The following PDSS2 variants were observed in gnomAD, a reference collection of about 807,000 sequenced individuals.
PDSS2 encodes decaprenyl diphosphate synthase subunit 2, also known as all trans-polyprenyl-diphosphate synthase PDSS2.
Under a neutral mutation model 44.5 loss-of-function variants are expected in PDSS2, and 31 were observed. That is an observed-to-expected ratio of 0.70 (90% CI 0.52 to 0.94). PDSS2 has a LOEUF of 0.94. Among genes scored for constraint, PDSS2 ranks in the 40% least tolerant of loss-of-function variants. PDSS2 has a pLI of 0.00. For synonymous variants in PDSS2, 157 were observed against 180.3 expected, an observed-to-expected ratio of 0.87 and a Z score of 1.03; for missense variants, 452 against 482.2, an observed-to-expected ratio of 0.94 and a Z score of 0.59.
chr6:107,285,731 G>A (rs1776119067), intron 2 of PDSS2, among the ~76,000 whole-genome samples: 2 of 152,202 alleles, frequency 1.3e-5, no homozygotes, highest in Admixed American at 1.3e-4. Flanking sequence ...TATTTAAATG[G>A]ATTAACCATC....
Position 107,363,198 on chromosome 6 carries a change from C to G in PDSS2, c.297-28866G>C, listed in dbSNP as rs1280734044. 2.0e-5 allele frequency among the ~76,000 whole-genome samples: 3 copies of G among 152,276 alleles called. No homozygotes were observed. In the East Asian group the frequency reaches 5.8e-4, roughly 29 times the overall value. ...ACAAAGCCATTCAACTAACTCAATA[C>G]AGGACAAATACAGAGATATACACAT... On this transcript the variant is annotated intron_variant, in intron 1 of 7. Transcript: ENST00000369037.
chr6:107,322,786 G>A (rs1160249654), intron 2 of PDSS2, among the ~76,000 whole-genome samples: 1 of 152,148 alleles, frequency 6.6e-6, no homozygotes, highest in Non-Finnish European at 1.5e-5. Context: ...TCGTTCCACT[G>A]CACTCCAGCC....
At position 107,212,296 on chromosome 6, in the gene PDSS2, A is replaced by G. The variant is rs375616542; in HGVS notation, c.703-14T>C. On this transcript the variant is annotated splice_polypyrimidine_tract_variant and intron_variant, in intron 4 of 7. Coordinates refer to ENST00000369037, the MANE Select transcript of PDSS2 (RefSeq NM_020381.4). Reference sequence around the variant, plus strand: ...GATATAACTTTCCTAAAAATGTAACAAAAGCCAAGATAAAAAAGACTTTAG... The same window carrying G: ...GATATAACTTTCCTAAAAATGTAACGAAAGCCAAGATAAAAAAGACTTTAG... 423 of 1,600,864 alleles carry G rather than the reference A, an allele frequency of 2.6e-4. No individual in the cohort carries two copies. Among genetic ancestry groups the G allele is most frequent in the Non-Finnish European group, 3.4e-4 (399 of 1,170,670 alleles).
At chr6:107,394,434 G>A (rs1259980338) in intron 1 of PDSS2, among the ~76,000 whole-genome samples, 1 of 152,108 alleles carries the variant, frequency 6.6e-6, no homozygotes, top group Non-Finnish European at 1.5e-5. Flanking sequence ...GCAAAAGCAG[G>A]AGCAGGGGAG....
rs1197813349 is a variant in PDSS2, at chr6:107,230,859, A to G, written c.702+14689T>C. Among the ~76,000 whole-genome samples, 14 of 151,984 alleles carry G rather than the reference A, an allele frequency of 9.2e-5. No individual in the cohort carries two copies. In the East Asian group the frequency reaches 2.5e-3, roughly 27 times the overall value. ...TACTGCTGCGAAAAAAATGACCCCA[A>G]ATTTAGTGGTTTAAAGCAAGAGTAA... On this transcript the variant is annotated intron_variant, in intron 4 of 7. Coordinates refer to ENST00000369037, the MANE Select transcript of PDSS2 (RefSeq NM_020381.4).
chr6:107,399,767 T>C (rs1477759111), intron 1 of PDSS2, among the ~76,000 whole-genome samples: 1 of 152,202 alleles, frequency 6.6e-6, no homozygotes, highest in Non-Finnish European at 1.5e-5. Context: ...TTAACAATAC[T>C]ATAATGATTC....
At chr6:107,389,852 T>C (rs941539780) in intron 1 of PDSS2, among the ~76,000 whole-genome samples, 1 of 151,996 alleles carries the variant, frequency 6.6e-6, no homozygotes, top group African/African-American at 2.4e-5. Context: ...CATAGCTCCT[T>C]GGAGAAATGG....
In PDSS2 at chr6:107,274,123, T is replaced by G. The variant is rs863224165; in HGVS notation, c.536A>C (p.Lys179Thr). 1 of 1,613,610 alleles carries G rather than the reference T, an allele frequency of 6.2e-7. No homozygotes were observed. The highest frequency in any genetic ancestry group is 1.3e-5 in the African/African-American group (1 of 74,916). ...NELQSSDGPL[K>T]DMQFGNKIAI... Reference sequence around the variant, plus strand: ...AATTTTATTTCCAAATTGCATGTCTTTCAGTGGACCATCAGATGATTGCAA... The same window carrying G: ...AATTTTATTTCCAAATTGCATGTCTGTCAGTGGACCATCAGATGATTGCAA... The change falls in exon 3 of 8, where the codon AAA (lysine) becomes ACA (threonine). Residue 179 changes from lysine (K) to threonine (T), a missense_variant. Physicochemically the swap from Lys to Thr is moderately conservative, Grantham distance 78. Coordinates refer to ENST00000369037, the MANE Select transcript of PDSS2 (RefSeq NM_020381.4).
chr6:107,231,244 A>C (rs1176649419), intron 4 of PDSS2, among the ~76,000 whole-genome samples: 1 of 152,174 alleles, frequency 6.6e-6, no homozygotes, highest in Non-Finnish European at 1.5e-5. Context: ...GTTTCATGTG[A>C]AAATGCTGTT....
chr6:107,178,985 T>C (rs1771883438), intron 7 of PDSS2, among the ~76,000 whole-genome samples: 2 of 152,336 alleles, frequency 1.3e-5, no homozygotes, highest in South Asian at 4.1e-4. Flanking sequence ...AAAGAGGGGA[T>C]TCACAGAATT....
intron 7 of PDSS2, among the ~76,000 whole-genome samples, chr6:107,165,726 A>T (rs1461706421): frequency 6.6e-6 from 1 of 151,936 alleles, no homozygotes; most frequent in Non-Finnish European, 1.5e-5. Flanking sequence ...CTTGATGGGG[A>T]TGGCATTGAA....
chr6:107,190,771 T>A (rs1250132099), intron 7 of PDSS2, among the ~76,000 whole-genome samples: 1 of 152,122 alleles, frequency 6.6e-6, no homozygotes, highest in Non-Finnish European at 1.5e-5. Flanking sequence ...TTTATGAAAC[T>A]TGGTGCTGCT....
At chr6:107,397,866 T>C (rs903624832) in intron 1 of PDSS2, among the ~76,000 whole-genome samples, 6 of 152,186 alleles carry the variant, frequency 3.9e-5, no homozygotes, top group African/African-American at 9.6e-5. Flanking sequence ...CTAATAAATA[T>C]GGTATTTTTA....
chr6:107,310,379 C>T (rs1777005167), intron 2 of PDSS2, among the ~76,000 whole-genome samples: 1 of 151,888 alleles, frequency 6.6e-6, no homozygotes, highest in Admixed American at 6.6e-5. Flanking sequence ...AGATTCACTG[C>T]CAAAAAAGAG....
intron 2 of PDSS2, 152 bp from the exon 3 acceptor site, chr6:107,274,379 C>G: frequency 2.9e-6 from 2 of 684,746 alleles, no homozygotes; most frequent in East Asian, 2.7e-5. Context: ...AAATAGAGGT[C>G]TCTCTACTGA....
chr6:107,187,970 G>C (rs562721035), intron 7 of PDSS2, among the ~76,000 whole-genome samples: 1 of 152,348 alleles, frequency 6.6e-6, no homozygotes, highest in South Asian at 2.1e-4. Context: ...AGCAAAGGTG[G>C]AGTGGCTACT....
At chr6:107,300,644 G>A (rs559713326) in intron 2 of PDSS2, among the ~76,000 whole-genome samples, 3 of 152,284 alleles carry the variant, frequency 2.0e-5, no homozygotes, top group South Asian at 2.1e-4. Flanking sequence ...GACAATGATC[G>A]GGATATAAAC....
intron 1 of PDSS2, among the ~76,000 whole-genome samples, chr6:107,382,186 T>C (rs960539018): frequency 6.6e-6 from 1 of 152,346 alleles, no homozygotes; most frequent in African/African-American, 2.4e-5. Flanking sequence ...CACTGTTATA[T>C]CCCCTACACC....
chr6:107,318,711 C>T (rs1317927647), intron 2 of PDSS2, among the ~76,000 whole-genome samples: 1 of 152,128 alleles, frequency 6.6e-6, no homozygotes, highest in Non-Finnish European at 1.5e-5. Flanking sequence ...ATCGGCCGGG[C>T]ACGGTGGCTC....
Sources: allele counts gnomAD v4.1 joint callset (sites outside exome capture counted in the v4.1 genomes callset), GRCh38; gene constraint gnomAD v4.1.1; transcripts MANE v1.5; gene names NCBI Gene and HGNC (gene_info 2026-07-23, HGNC 2026-07-21).